ARHGEF6: variants seen among roughly 807,000 people sequenced by gnomAD.
ARHGEF6 encodes rho guanine nucleotide exchange factor 6.
A neutral mutation model predicts 70.3 loss-of-function variants in ARHGEF6; 9 were observed. The observed-to-expected ratio is 0.13, with a 90% CI of 0.08 to 0.22. The LOEUF (loss-of-function observed/expected upper bound fraction) is 0.22. Among genes scored for constraint, ARHGEF6 ranks in the 10% least tolerant of loss-of-function variants. The pLI is 1.00. For missense variants in ARHGEF6, 470 were observed against 563.0 expected, an observed-to-expected ratio of 0.83 and a Z score of 1.67; for synonymous variants, 201 against 207.8, an observed-to-expected ratio of 0.97 and a Z score of 0.28.
At chrX:136,689,046 G>A (rs1033371813) in intron 10 of ARHGEF6, among the ~76,000 whole-genome samples, 10 of 111,949 alleles carry the variant, frequency 8.9e-5, no homozygotes, top group Non-Finnish European at 1.3e-4. Flanking sequence ...ATAAAATACA[G>A]AGCTGAACAG....
chrX:136,668,533 C>CTTCTTATTA (rs61661248), intron 21 of ARHGEF6, among the ~76,000 whole-genome samples: 144 of 98,460 alleles, frequency 1.5e-3, no homozygotes, highest in African/African-American at 5.1e-3. Context: ...TCTTCTTCTT[C>CTTCTTATTA]TTATTATTAT....
intron 5 of ARHGEF6, among the ~76,000 whole-genome samples, chrX:136,743,321 G>C (rs776189454): frequency 2.7e-5 from 3 of 112,111 alleles, no homozygotes; most frequent in Admixed American, 9.4e-5. Context: ...GACATAAAGG[G>C]ATACAGTTAG....
chrX:136,721,034 A>G (rs1178385203), intron 6 of ARHGEF6, among the ~76,000 whole-genome samples: 1 of 112,327 alleles, frequency 8.9e-6, no homozygotes, highest in Non-Finnish European at 1.9e-5. Context: ...CATGGGTAGA[A>G]AGACTCAATA....
intron 1 of ARHGEF6, among the ~76,000 whole-genome samples, chrX:136,779,839 T>C (rs1210697551): frequency 8.9e-6 from 1 of 111,829 alleles, no homozygotes; most frequent in East Asian, 2.8e-4. Flanking sequence ...CTGGTACCTC[T>C]CTCTCCTCCT....
At chrX:136,768,136 G>A (rs1984502201) in intron 2 of ARHGEF6, among the ~76,000 whole-genome samples, 1 of 111,379 alleles carries the variant, frequency 9.0e-6, no homozygotes, top group Non-Finnish European at 1.9e-5. Flanking sequence ...TGGCTCTCCA[G>A]AGGCCCTTCA....
rs1251780693 is a variant in ARHGEF6 at position 136,665,688 on chromosome X, G to C, written c.*2341C>G. On this transcript the variant is annotated 3_prime_UTR_variant, in exon 22 of 22. Coordinates refer to ENST00000250617, the MANE Select transcript of ARHGEF6 (RefSeq NM_004840.3). ...AGGAACTGAAAGGCCTCTACGGGCAGCAGTTTAATTACAGGGCAACAGGAA... is the reference window on the plus strand; with the variant it reads ...AGGAACTGAAAGGCCTCTACGGGCACCAGTTTAATTACAGGGCAACAGGAA... The C allele has an allele frequency of 8.9e-6, 1 of 112,748 alleles. No individual in the cohort carries two copies. The highest frequency in any genetic ancestry group is 1.9e-5 in the Non-Finnish European group (1 of 53,315). 9.3% of individuals were successfully genotyped at this position (112,748 alleles called of 1,213,427 possible).
intron 20 of ARHGEF6, 110 bp downstream of exon 20, chrX:136,671,910 G>C: frequency 4.7e-6 from 3 of 633,939 alleles, no homozygotes; most frequent in Non-Finnish European, 8.0e-6. Context: ...CGCATTCCCA[G>C]GTAAGGAGGA....
In ARHGEF6 at chrX:136,666,821, T is replaced by C. The variant is rs772330810; in HGVS notation, c.*1208A>G. ...TGATTCAATGAGCAACTTGAGTTAATCAGTCCTGAATAATCCAGCACACAG... is the reference window on the plus strand; with the variant it reads ...TGATTCAATGAGCAACTTGAGTTAACCAGTCCTGAATAATCCAGCACACAG... On this transcript the variant is annotated 3_prime_UTR_variant, in exon 22 of 22. Transcript: ENST00000250617. 1 of 112,175 alleles carries C rather than the reference T, an allele frequency of 8.9e-6. No individual in the cohort carries two copies. Among genetic ancestry groups the C allele is most frequent in the East Asian group, 2.8e-4 (1 of 3,577 alleles). The allele number at this position is 112,175 out of a possible 1,213,427, so 9.2% of individuals were successfully genotyped here. A position where few individuals can be genotyped will look rare whatever the true frequency, so the allele number is the denominator to read the frequency against.
At chrX:136,727,804 G>A (rs1001893649) in intron 6 of ARHGEF6, among the ~76,000 whole-genome samples, 3 of 111,388 alleles carry the variant, frequency 2.7e-5, no homozygotes, top group Non-Finnish European at 3.8e-5. Flanking sequence ...AAGGTGCTGG[G>A]ATTACAGGCG....
intron 2 of ARHGEF6, among the ~76,000 whole-genome samples, chrX:136,769,181 G>A (rs899942954): frequency 5.4e-5 from 6 of 111,905 alleles, no homozygotes; most frequent in African/African-American, 2.0e-4. Flanking sequence ...GGAGGCAGAT[G>A]CAGGTGGATC....
rs1157163396 is a variant in ARHGEF6, at chrX:136,685,684, G to A, written c.1385C>T (p.Ala462Val). The A allele has an allele frequency of 8.3e-7, 1 of 1,207,859 alleles. No homozygotes were observed. The highest frequency in any genetic ancestry group is 1.1e-6 in the Non-Finnish European group (1 of 893,542). The change falls in exon 12 of 22, where the codon GCA (alanine) becomes GTA (valine). Residue 462 changes from alanine (A) to valine (V), a missense_variant. Coordinates refer to ENST00000250617, the MANE Select transcript of ARHGEF6 (RefSeq NM_004840.3). Reference sequence around the variant, plus strand: ...AGATTTGAAATACCTTACCTCACATGCTCCATACTGCACCATTACTTGTGA... The same window carrying A: ...AGATTTGAAATACCTTACCTCACATACTCCATACTGCACCATTACTTGTGA... ...FMSQVMVQYG[A>V]CEEKEERYLM... is the part of the protein sequence containing the mutation.
At chrX:136,759,968 T>C (rs2077249033) in intron 2 of ARHGEF6, among the ~76,000 whole-genome samples, 2 of 112,256 alleles carry the variant, frequency 1.8e-5, no homozygotes, top group African/African-American at 6.5e-5. Context: ...CTGTTTTGGA[T>C]GATCCACATC....
At chrX:136,727,480 T>G (rs1365394857) in intron 6 of ARHGEF6, among the ~76,000 whole-genome samples, 1 of 102,207 alleles carries the variant, frequency 9.8e-6, no homozygotes, top group Non-Finnish European at 2.0e-5. Context: ...TCTCTTTCTT[T>G]CCTTCTCTCC....
chrX:136,775,834 A>G (rs2077400316), intron 2 of ARHGEF6, among the ~76,000 whole-genome samples: 1 of 112,009 alleles, frequency 8.9e-6, no homozygotes, highest in East Asian at 2.8e-4. Flanking sequence ...GATCTGAAAA[A>G]TGAATTCAGT....
At chrX:136,767,054 G>C (rs2077322030) in intron 2 of ARHGEF6, 5 of 724,297 alleles carry the variant, frequency 6.9e-6, no homozygotes, top group Admixed American at 8.6e-5. Context: ...GAAGAAGGGC[G>C]GTTCCTCTCC....
chrX:136,718,149 A>G (rs2076756651), intron 6 of ARHGEF6, among the ~76,000 whole-genome samples: 1 of 111,686 alleles, frequency 9.0e-6, no homozygotes, highest in East Asian at 2.8e-4. Context: ...ACACTTATAA[A>G]TTAAAAGTAA....
intron 11 of ARHGEF6, among the ~76,000 whole-genome samples, chrX:136,686,241 C>T (rs1029228250): frequency 5.4e-5 from 6 of 110,828 alleles, no homozygotes; most frequent in African/African-American, 1.3e-4. Flanking sequence ...GCTTTAGTGA[C>T]AAAATAATTG....
chrX:136,715,263 G>A (rs779303104), intron 6 of ARHGEF6, among the ~76,000 whole-genome samples: 3 of 111,025 alleles, frequency 2.7e-5, no homozygotes, highest in Non-Finnish European at 3.8e-5. Context: ...GTCCAAGCGC[G>A]AGAATGGAAA....
At chrX:136,682,421 C>T (rs2076341376) in intron 13 of ARHGEF6, among the ~76,000 whole-genome samples, 1 of 111,954 alleles carries the variant, frequency 8.9e-6, no homozygotes, top group Non-Finnish European at 1.9e-5. Flanking sequence ...TATAATAAGA[C>T]AAACATAGGA....
Sources: gnomAD v4.1 joint callset for allele counts (sites outside exome capture counted in the v4.1 genomes callset) on GRCh38, gnomAD v4.1.1 for gene constraint, MANE v1.5 for transcripts, NCBI Gene and HGNC (gene_info 2026-07-23, HGNC 2026-07-21) for gene names.